Variants in NRIP1 observed in about 807,000 individuals in gnomAD.
The protein encoded by NRIP1 is nuclear receptor-interacting protein 1.
A neutral mutation model predicts 75.0 loss-of-function variants in NRIP1; 28 were observed. The ratio of observed to expected loss-of-function variants is 0.37; its 90% CI spans 0.28 to 0.51. The LOEUF (loss-of-function observed/expected upper bound fraction) is 0.51, where lower values mean the gene tolerates loss of function less well. Among genes scored for constraint, NRIP1 ranks in the 20% least tolerant of loss-of-function variants. The pLI is 0.92. For synonymous variants in NRIP1, 526 were observed against 487.6 expected (o/e 1.08, Z -1.04); for missense variants, 1,435 against 1,343.7 (o/e 1.07, Z -1.06).
intron 1 of NRIP1, among the ~76,000 whole-genome samples, chr21:15,061,850 A>C (rs1306340028): frequency 1.3e-5 from 2 of 152,206 alleles, no homozygotes; most frequent in East Asian, 1.9e-4. Flanking sequence ...TCTGCAATAG[A>C]ATCTGTGCAA....
At chr21:15,024,283 C>G (rs2088455009) in intron 2 of NRIP1, among the ~76,000 whole-genome samples, 1 of 152,168 alleles carries the variant, frequency 6.6e-6, no homozygotes. Flanking sequence ...TGGCTCACGC[C>G]TATAATCCCA....
intron 1 of NRIP1, among the ~76,000 whole-genome samples, chr21:15,045,340 A>T (rs2089047079): frequency 6.6e-6 from 1 of 152,230 alleles, no homozygotes; most frequent in Non-Finnish European, 1.5e-5. Flanking sequence ...TAAAGCAAAT[A>T]TCACAATAAA....
At position 14,962,219 on chromosome 21, in the gene NRIP1, G is replaced by C. The variant is rs898817286; in HGVS notation, c.*2497C>G. 6.6e-6 allele frequency: 1 copy of C among 151,590 alleles called. No individual in the cohort carries two copies. The highest frequency in any genetic ancestry group is 2.4e-5 in the African/African-American group (1 of 41,340). 9.4% of individuals were successfully genotyped at this position (151,590 alleles called of 1,614,324 possible). A position where few individuals can be genotyped will look rare whatever the true frequency, so the allele number is the denominator to read the frequency against. On this transcript the variant is annotated 3_prime_UTR_variant, in exon 4 of 4. Transcript: ENST00000318948. ...TGAAAATGTGTATATGTGCATCCTT[G>C]TATCTACATATGCATAAACAAAGTG... is the stretch of plus-strand genomic sequence containing the variant.
At chr21:15,043,844 A>C (rs1026385649) in intron 1 of NRIP1, among the ~76,000 whole-genome samples, 7 of 152,112 alleles carry the variant, frequency 4.6e-5, no homozygotes, top group African/African-American at 1.7e-4. Flanking sequence ...TTTGAGGTGG[A>C]GTCTCCCTCT....
At chr21:14,998,758 T>C (rs2147106634) in intron 3 of NRIP1, among the ~76,000 whole-genome samples, 1 of 152,352 alleles carries the variant, frequency 6.6e-6, no homozygotes, top group Non-Finnish European at 1.5e-5. Flanking sequence ...TCTTCAGACA[T>C]CTTTCCTCTA....
In NRIP1 at chr21:14,967,931, G is replaced by GC; in HGVS notation, c.261dup (p.Gln88AlafsTer4). On this transcript the variant is annotated frameshift_variant, in exon 4 of 4. Transcript: ENST00000318948. LOFTEE classifies it high-confidence loss of function. Reference sequence around the variant, plus strand: ...GCTGCATTCCAGTCCTCAGAAGACTGCAACAGTCTGGCTTTTTTGAGGTGC... The same window carrying GC: ...GCTGCATTCCAGTCCTCAGAAGACTGCCAACAGTCTGGCTTTTTTGAGGTGC... 6.2e-7 allele frequency: 1 copy of GC among 1,614,106 alleles called. No individual in the cohort carries two copies. Among genetic ancestry groups the GC allele is most frequent in the Non-Finnish European group, 8.5e-7 (1 of 1,180,000 alleles).
At chr21:15,031,856 A>G (rs1600900204) in intron 2 of NRIP1, among the ~76,000 whole-genome samples, 1 of 150,686 alleles carries the variant, frequency 6.6e-6, no homozygotes, top group Admixed American at 6.6e-5. Context: ...GGTTCACCAC[A>G]TTCCCTTTCT....
chr21:14,969,447 TA>T (rs1279968660), intron 3 of NRIP1, among the ~76,000 whole-genome samples: 6 of 152,246 alleles, frequency 3.9e-5, no homozygotes, highest in Admixed American at 3.9e-4. Context: ...ATTTATTATC[TA>T]AGAAGAGACC....
At chr21:15,022,448 C>CT (rs2088401409) in intron 2 of NRIP1, among the ~76,000 whole-genome samples, 1 of 152,090 alleles carries the variant, frequency 6.6e-6, no homozygotes, top group African/African-American at 2.4e-5. Flanking sequence ...GGCTTAGTAT[C>CT]TAAGTGATGG....
rs377609923 is a variant in NRIP1 at position 15,050,366 on chromosome 21, G to A, written c.-537-6792C>T. 5 of 217,564 alleles carry A rather than the reference G, an allele frequency of 2.3e-5. No homozygotes were observed. The South Asian group carries it at 3.2e-4, about 14-fold the overall frequency. 13.5% of individuals were successfully genotyped at this position (217,564 alleles called of 1,614,324 possible). Reference sequence around the variant, plus strand: ...CATTCTCTCTCTGCCTATCCCAAAAGAATCAATCAATGCTTTATGTTACTA... The same window carrying A: ...CATTCTCTCTCTGCCTATCCCAAAAAAATCAATCAATGCTTTATGTTACTA... On this transcript the variant is annotated intron_variant, in intron 1 of 3. Coordinates refer to ENST00000318948, the MANE Select transcript of NRIP1 (RefSeq NM_003489.4).
Position 14,965,652 on chromosome 21 carries a change from T to C in NRIP1, c.2541A>G (p.Leu847=), listed in dbSNP as rs757643881. 10 of 1,613,422 alleles carry C rather than the reference T, an allele frequency of 6.2e-6. No homozygotes were observed. The highest frequency in any genetic ancestry group is 1.1e-5 in the South Asian group (1 of 91,022). Residue 847 remains leucine (L), a synonymous_variant, in exon 4 of 4, where the codon CTA becomes CTG. Coordinates refer to ENST00000318948, the MANE Select transcript of NRIP1 (RefSeq NM_003489.4). The stretch of plus-strand genomic sequence containing the variant: ...GGACCATGCAAAGATTCTTTGATTC[T>C]AGAAGTGCCATTTCATTATTTCTGT... ...RSHRNNEMAL[L]ESKNLCMVPK...
intron 2 of NRIP1, among the ~76,000 whole-genome samples, chr21:15,025,489 CA>C (rs1392305396): frequency 6.6e-6 from 1 of 151,964 alleles, no homozygotes; most frequent in East Asian, 1.9e-4. Context: ...GGCTCATAAG[CA>C]CACACTGATA....
At chr21:15,059,175 T>TG (rs1236841748) in intron 1 of NRIP1, among the ~76,000 whole-genome samples, 1 of 152,174 alleles carries the variant, frequency 6.6e-6, no homozygotes, top group Non-Finnish European at 1.5e-5. Flanking sequence ...CTTAAGCGGA[T>TG]GACTCAAATT....
At chr21:15,046,124 C>T (rs1169996731) in intron 1 of NRIP1, among the ~76,000 whole-genome samples, 2 of 152,172 alleles carry the variant, frequency 1.3e-5, no homozygotes, top group Non-Finnish European at 2.9e-5. Flanking sequence ...TTCTCAATGG[C>T]ATCTAGAATG....
intron 3 of NRIP1, among the ~76,000 whole-genome samples, chr21:14,973,751 A>C (rs2146970889): frequency 6.7e-6 from 1 of 150,026 alleles, no homozygotes; most frequent in South Asian, 2.1e-4. Flanking sequence ...ATCACAGCTC[A>C]CTGCAGCCTC....
chr21:15,043,178 G>A (rs1042796065), intron 2 of NRIP1, among the ~76,000 whole-genome samples: 7 of 152,168 alleles, frequency 4.6e-5, no homozygotes, highest in African/African-American at 7.2e-5. Context: ...TAGATAAAAA[G>A]GAACTTTATG....
At chr21:15,031,721 G>A (rs2088698588) in intron 2 of NRIP1, among the ~76,000 whole-genome samples, 2 of 124,870 alleles carry the variant, frequency 1.6e-5, no homozygotes, top group Non-Finnish European at 3.3e-5. Context: ...CTTTCTATGT[G>A]TATACACTCT....
chr21:15,045,818 A>C (rs1038532219), intron 1 of NRIP1, among the ~76,000 whole-genome samples: 3 of 152,310 alleles, frequency 2.0e-5, no homozygotes, highest in African/African-American at 4.8e-5. Context: ...TTATTTCAAC[A>C]ATGTTCACAG....
chr21:15,037,755 T>A (rs923209090), intron 2 of NRIP1, among the ~76,000 whole-genome samples: 1 of 152,132 alleles, frequency 6.6e-6, no homozygotes, highest in African/African-American at 2.4e-5. Flanking sequence ...AACCAAATAT[T>A]TGATCATGAG....
Sources: allele counts gnomAD v4.1 joint callset (sites outside exome capture counted in the v4.1 genomes callset), GRCh38; gene constraint gnomAD v4.1.1; transcripts MANE v1.5; gene names NCBI Gene and HGNC (gene_info 2026-07-23, HGNC 2026-07-21).